Variants in ZBTB20 observed in about 807,000 individuals in gnomAD.
ZBTB20 encodes zinc finger and BTB domain containing 20.
In ZBTB20, 9 loss-of-function variants were observed where a neutral mutation model predicts 56.9. The observed-to-expected ratio is 0.16, with a 90% CI of 0.10 to 0.28. The LOEUF (loss-of-function observed/expected upper bound fraction) is 0.28, where lower values mean the gene tolerates loss of function less well. Among genes scored for constraint, ZBTB20 ranks in the 10% least tolerant of loss-of-function variants. The probability of loss-of-function intolerance (pLI) is 1.00; values close to 1 mark genes in which losing one functional copy is unlikely to be tolerated. For synonymous variants in ZBTB20, 417 were observed against 420.7 expected (o/e 0.99, Z 0.11); for missense variants, 655 against 1,003.0 (o/e 0.65, Z 4.69).
chr3:115,099,433 T>G (rs947914981), intron 1 of ZBTB20, among the ~76,000 whole-genome samples: 4 of 152,190 alleles, frequency 2.6e-5, no homozygotes, highest in Non-Finnish European at 4.4e-5. Context: ...CAAAGTGATA[T>G]TCCTATAAAT....
chr3:114,474,325 A>G (rs115226392), intron 7 of ZBTB20, among the ~76,000 whole-genome samples: 179 of 152,346 alleles, frequency 1.2e-3, no homozygotes, highest in Non-Finnish European at 2.4e-3. Context: ...TTTAGAATCT[A>G]TTTTGTGTGT....
chr3:114,450,819 C>T (rs570860235), intron 7 of ZBTB20, among the ~76,000 whole-genome samples: 15 of 152,052 alleles, frequency 9.9e-5, no homozygotes, highest in South Asian at 2.1e-4. Context: ...GTAATAACAT[C>T]GGCACAATTC....
chr3:114,403,750 C>T (rs2087030007), intron 7 of ZBTB20, among the ~76,000 whole-genome samples: 1 of 151,864 alleles, frequency 6.6e-6, no homozygotes, highest in South Asian at 2.1e-4. Flanking sequence ...GATGATAATC[C>T]AGATATACAA....
chr3:114,649,709 G>A (rs1391483270), intron 6 of ZBTB20, among the ~76,000 whole-genome samples: 1 of 151,858 alleles, frequency 6.6e-6, no homozygotes, highest in Non-Finnish European at 1.5e-5. Context: ...TATTGTTGTT[G>A]TTGGTTTGCC....
chr3:115,126,951 C>G (rs1455911252), intron 1 of ZBTB20, among the ~76,000 whole-genome samples: 1 of 152,196 alleles, frequency 6.6e-6, no homozygotes, highest in Non-Finnish European at 1.5e-5. Flanking sequence ...TTCACCAATT[C>G]TGTGTGCTTA....
intron 2 of ZBTB20, among the ~76,000 whole-genome samples, chr3:115,046,325 T>A (rs1003062726): frequency 6.6e-6 from 1 of 150,920 alleles, no homozygotes; most frequent in African/African-American, 2.5e-5. Context: ...CACTCAGTCC[T>A]ATAAAGTTGT....
intron 5 of ZBTB20, among the ~76,000 whole-genome samples, chr3:114,775,781 T>C (rs1295988398): frequency 1.3e-5 from 2 of 152,092 alleles, no homozygotes; most frequent in Non-Finnish European, 2.9e-5. Flanking sequence ...GGAGTTGACA[T>C]TTGATTGAGC....
At chr3:114,441,562 C>T (rs558907616) in intron 7 of ZBTB20, among the ~76,000 whole-genome samples, 1 of 152,106 alleles carries the variant, frequency 6.6e-6, no homozygotes, top group Non-Finnish European at 1.5e-5. Flanking sequence ...TCCCATCAAG[C>T]ACCTCATCTG....
chr3:114,934,497 C>T (rs936476527), intron 3 of ZBTB20, among the ~76,000 whole-genome samples: 4 of 152,114 alleles, frequency 2.6e-5, no homozygotes, highest in African/African-American at 9.7e-5. Flanking sequence ...GTGCCTAGAA[C>T]ATAGCTGTGG....
At chr3:114,786,530 T>C (rs531849856) in intron 5 of ZBTB20, among the ~76,000 whole-genome samples, 1 of 152,064 alleles carries the variant, frequency 6.6e-6, no homozygotes, top group South Asian at 2.1e-4. Context: ...TATACTGTCA[T>C]AGGAAAAAAC....
chr3:114,562,943 C>G (rs922495911), intron 6 of ZBTB20, among the ~76,000 whole-genome samples: 16 of 152,052 alleles, frequency 1.1e-4, no homozygotes, highest in Non-Finnish European at 1.9e-4. Flanking sequence ...ACAAATCACT[C>G]AAACAAATAT....
intron 7 of ZBTB20, among the ~76,000 whole-genome samples, chr3:114,459,309 G>A (rs920660898): frequency 3.9e-5 from 6 of 152,114 alleles, no homozygotes; most frequent in Admixed American, 2.6e-4. Flanking sequence ...TAACCCTCAT[G>A]CTATAGAGAG....
intron 2 of ZBTB20, among the ~76,000 whole-genome samples, chr3:115,001,870 G>C (rs944362501): frequency 1.3e-5 from 2 of 151,264 alleles, no homozygotes; most frequent in Admixed American, 1.3e-4. Context: ...ATCCCACAAA[G>C]TTATTTTGTG....
chr3:114,828,743 T>C (rs2073686756), intron 4 of ZBTB20, among the ~76,000 whole-genome samples: 1 of 151,864 alleles, frequency 6.6e-6, no homozygotes, highest in Non-Finnish European at 1.5e-5. Context: ...ATCTTTAGGG[T>C]TGACAGTAAA....
At chr3:114,746,383 GTTTT>G (rs530396079) in intron 5 of ZBTB20, among the ~76,000 whole-genome samples, 5 of 149,882 alleles carry the variant, frequency 3.3e-5, no homozygotes, top group Non-Finnish European at 7.4e-5. Flanking sequence ...TTTTGTTTTT[GTTTT>G]TTTTTAATTA....
chr3:115,054,032 A>G (rs1024102380), intron 2 of ZBTB20, among the ~76,000 whole-genome samples: 1 of 152,076 alleles, frequency 6.6e-6, no homozygotes, highest in African/African-American at 2.4e-5. Context: ...ATCATAATCC[A>G]TTGTCCCCCA....
chr3:115,076,936 T>C (rs1445153517), intron 1 of ZBTB20, among the ~76,000 whole-genome samples: 1 of 152,142 alleles, frequency 6.6e-6, no homozygotes, highest in Non-Finnish European at 1.5e-5. Context: ...ATCCCTTGCA[T>C]GCACAGTTCG....
intron 2 of ZBTB20, among the ~76,000 whole-genome samples, chr3:115,017,228 C>T (rs936433957): frequency 6.6e-5 from 10 of 151,528 alleles, no homozygotes; most frequent in African/African-American, 2.2e-4. Flanking sequence ...CGTTCCTATA[C>T]ACCAACAACA....
intron 7 of ZBTB20, among the ~76,000 whole-genome samples, chr3:114,491,193 C>G (rs1289054500): frequency 6.6e-6 from 1 of 152,234 alleles, no homozygotes; most frequent in African/African-American, 2.4e-5. Flanking sequence ...CCTAATGCCA[C>G]AAATGCTAGG....
Sources: gnomAD v4.1 joint callset for allele counts (sites outside exome capture counted in the v4.1 genomes callset) on GRCh38, gnomAD v4.1.1 for gene constraint, MANE v1.5 for transcripts, NCBI Gene and HGNC (gene_info 2026-07-23, HGNC 2026-07-21) for gene names.